The following MSRA variants were observed in gnomAD, a reference collection of about 807,000 sequenced individuals.
MSRA encodes the protein methionine sulfoxide reductase A, also known as mitochondrial peptide methionine sulfoxide reductase.
A neutral mutation model predicts 31.3 loss-of-function variants in MSRA; 54 were observed. The ratio of observed to expected loss-of-function variants is 1.73; its 90% CI spans 1.39 to 2.17. The LOEUF (loss-of-function observed/expected upper bound fraction) is 2.17. Among genes scored for constraint, MSRA ranks in the 30% most tolerant of loss-of-function variants. The probability of loss-of-function intolerance (pLI) is 0.00; values close to 1 mark genes in which losing one functional copy is unlikely to be tolerated. For synonymous variants in MSRA, 169 were observed against 116.5 expected, an observed-to-expected ratio of 1.45 and a Z score of -2.90; for missense variants, 507 against 300.9, an observed-to-expected ratio of 1.69 and a Z score of -5.07.
chr8:10,095,966 C>A, intron 1 of MSRA: 1 of 1,374,940 alleles, frequency 7.3e-7, no homozygotes, highest in African/African-American at 1.5e-5. Context: ...TAATTTTCTA[C>A]AAAATAAAGT....
At chr8:10,412,475 A>T (rs992116874) in intron 5 of MSRA, among the ~76,000 whole-genome samples, 1 of 152,240 alleles carries the variant, frequency 6.6e-6, no homozygotes, top group Admixed American at 6.5e-5. Flanking sequence ...ACTATCGAAC[A>T]TGATGTTCCA....
intron 5 of MSRA, among the ~76,000 whole-genome samples, chr8:10,341,036 T>C (rs1401768173): frequency 3.9e-5 from 6 of 152,138 alleles, no homozygotes; most frequent in East Asian, 1.9e-4. Context: ...AAGTGAGAGG[T>C]TGACTATTTG....
intron 2 of MSRA, among the ~76,000 whole-genome samples, chr8:10,214,905 G>T (rs569878956): frequency 1.1e-4 from 17 of 152,242 alleles, no homozygotes; most frequent in African/African-American, 4.1e-4. Flanking sequence ...ATATAGAGAA[G>T]GAGAAAGAGA....
intron 1 of MSRA, among the ~76,000 whole-genome samples, chr8:10,120,559 G>C (rs968364149): frequency 3.9e-5 from 6 of 152,190 alleles, no homozygotes; most frequent in African/African-American, 1.4e-4. Flanking sequence ...CGTCAATTCA[G>C]TTCAGTTCAA....
chr8:10,064,310 C>G (rs556148273), intron 1 of MSRA, among the ~76,000 whole-genome samples: 1 of 152,076 alleles, frequency 6.6e-6, no homozygotes, highest in Non-Finnish European at 1.5e-5. Context: ...GCTGGTACCT[C>G]TTCTGTAAGC....
At chr8:10,264,309 A>G (rs1285728729) in intron 3 of MSRA, among the ~76,000 whole-genome samples, 3 of 152,180 alleles carry the variant, frequency 2.0e-5, no homozygotes, top group African/African-American at 7.2e-5. Flanking sequence ...CTCCTATACT[A>G]TTAGGTCGTT....
intron 1 of MSRA, among the ~76,000 whole-genome samples, chr8:10,158,566 G>T (rs1211785008): frequency 6.6e-6 from 1 of 152,156 alleles, no homozygotes; most frequent in Non-Finnish European, 1.5e-5. Flanking sequence ...TTGATTGCTG[G>T]TCATCTTCCA....
chr8:10,416,104 T>C (rs1023164290), intron 5 of MSRA, among the ~76,000 whole-genome samples: 3 of 152,102 alleles, frequency 2.0e-5, no homozygotes, highest in African/African-American at 7.2e-5. Context: ...CCCCAGCACC[T>C]GGCACGGCAC....
chr8:10,223,626 G>T (rs529836249), intron 2 of MSRA, among the ~76,000 whole-genome samples: 18 of 152,238 alleles, frequency 1.2e-4, no homozygotes, highest in Non-Finnish European at 2.4e-4. Flanking sequence ...AATGGCAGGT[G>T]GTGTAATGTA....
rs1007829105 is a variant in MSRA, at chr8:10,226,459, T to A, written c.211+18558T>A. Among the ~76,000 whole-genome samples the A allele has an allele frequency of 2.7e-4, 41 of 152,228 alleles. 1 individual carries two copies. Among genetic ancestry groups the A allele is most frequent in the African/African-American group, 9.9e-4 (41 of 41,462 alleles). ...TCCCACATCCATATGTCCTACATTTTCTCTTAGGATTGAGCTAGAGCTGAG... is the reference window on the plus strand; with the variant it reads ...TCCCACATCCATATGTCCTACATTTACTCTTAGGATTGAGCTAGAGCTGAG... On this transcript the variant is annotated intron_variant, in intron 2 of 5. Coordinates refer to ENST00000317173, the MANE Select transcript of MSRA (RefSeq NM_012331.5).
At chr8:10,206,620 G>T (rs1033429887) in intron 1 of MSRA, among the ~76,000 whole-genome samples, 1 of 152,116 alleles carries the variant, frequency 6.6e-6, no homozygotes, top group Non-Finnish European at 1.5e-5. Context: ...CTCTGGCCCG[G>T]GAAGATGACT....
chr8:10,261,412 A>T (rs1052881028), intron 3 of MSRA, among the ~76,000 whole-genome samples: 2 of 150,462 alleles, frequency 1.3e-5, no homozygotes. Context: ...AAAAGACTAT[A>T]AGGCCAGATG....
At chr8:10,247,220 A>T (rs932647829) in intron 3 of MSRA, among the ~76,000 whole-genome samples, 2 of 152,230 alleles carry the variant, frequency 1.3e-5, no homozygotes, top group African/African-American at 2.4e-5. Context: ...AGTTCCATGA[A>T]GTATGTCAGC....
intron 1 of MSRA, among the ~76,000 whole-genome samples, chr8:10,118,671 C>T (rs1800871148): frequency 2.0e-5 from 3 of 152,048 alleles, no homozygotes; most frequent in African/African-American, 7.3e-5. Flanking sequence ...TTACCGCTGC[C>T]CCTGGCCTTG....
intron 1 of MSRA, among the ~76,000 whole-genome samples, chr8:10,176,020 T>C (rs1175222014): frequency 1.3e-5 from 2 of 152,242 alleles, no homozygotes. Context: ...ATTGGGCTAA[T>C]GGACTGGAAG....
intron 1 of MSRA, among the ~76,000 whole-genome samples, chr8:10,074,852 G>T (rs947431262): frequency 6.6e-6 from 1 of 151,794 alleles, no homozygotes; most frequent in Non-Finnish European, 1.5e-5. Context: ...AGAGACGGGG[G>T]TTCACCGTGT....
At chr8:10,164,999 C>G (rs10091693) in intron 1 of MSRA, among the ~76,000 whole-genome samples, 2,695 of 152,120 alleles carry the variant, frequency 0.018, 89 homozygotes, top group African/African-American at 0.061. Flanking sequence ...CTGCACTCCA[C>G]CCTGGGCGAC....
At chr8:10,335,131 A>G (rs1802952737) in intron 5 of MSRA, among the ~76,000 whole-genome samples, 1 of 152,192 alleles carries the variant, frequency 6.6e-6, no homozygotes, top group Admixed American at 6.5e-5. Context: ...CTGTCCAGAA[A>G]CGGTCAGGGT....
chr8:10,146,218 T>C (rs1803134845), intron 1 of MSRA, among the ~76,000 whole-genome samples: 1 of 152,194 alleles, frequency 6.6e-6, no homozygotes, highest in Admixed American at 6.5e-5. Context: ...TTGGGTTTTT[T>C]TTCCCCTAGC....
Sources: allele counts gnomAD v4.1 joint callset (sites outside exome capture counted in the v4.1 genomes callset), GRCh38; gene constraint gnomAD v4.1.1; transcripts MANE v1.5; gene names NCBI Gene and HGNC (gene_info 2026-07-23, HGNC 2026-07-21).